Variants in GSDME observed in about 807,000 individuals in gnomAD.
The protein encoded by GSDME is gasdermin-E.
GSDME carries 44 observed loss-of-function variants against 47.5 expected under a neutral mutation model. The observed-to-expected ratio is 0.93, with a 90% CI of 0.73 to 1.19. GSDME has a LOEUF of 1.19. Ranked by LOEUF, GSDME falls within the 50% of genes most tolerant of loss-of-function variation. GSDME has a pLI of 0.00. For synonymous variants in GSDME, 258 were observed against 252.8 expected (o/e 1.02, Z -0.20); for missense variants, 663 against 604.2 (o/e 1.10, Z -1.02).
intron 7 of GSDME, chr7:24,707,174 G>A: frequency 7.9e-6 from 3 of 380,046 alleles, no homozygotes; most frequent in South Asian, 6.3e-5. Flanking sequence ...AATTTCAAGA[G>A]AGAAAAATAA....
chr7:24,740,970 C>A (rs1029316648), intron 3 of GSDME, among the ~76,000 whole-genome samples: 1 of 152,168 alleles, frequency 6.6e-6, no homozygotes, highest in Non-Finnish European at 1.5e-5. Context: ...GCCGGGACCG[C>A]GGCCCAGAAC....
chr7:24,735,707 G>T lies in GSDME; in HGVS notation c.404+8855C>A, dbSNP rs540181954. On this transcript the variant is annotated intron_variant, in intron 3 of 9. Coordinates refer to ENST00000645220, the MANE Select transcript of GSDME (RefSeq NM_001127453.2). The surrounding 1 kb of genome is among the most constrained non-coding windows in gnomAD (Gnocchi z 4.4). ...TGGGAGGTAGAGGTTGCGATGAGCCGAGATTGCACCACTGCACTCCAGCCT... is the reference window on the plus strand; with the variant it reads ...TGGGAGGTAGAGGTTGCGATGAGCCTAGATTGCACCACTGCACTCCAGCCT... Among the ~76,000 whole-genome samples the T allele has an allele frequency of 2.8e-4, 43 of 151,918 alleles. No individual in the cohort carries two copies. The highest frequency in any genetic ancestry group is 8.2e-4 in the African/African-American group (34 of 41,418).
At chr7:24,722,890 G>A (rs963109662) in intron 3 of GSDME, among the ~76,000 whole-genome samples, 3 of 152,182 alleles carry the variant, frequency 2.0e-5, no homozygotes, top group Non-Finnish European at 4.4e-5. Context: ...GCCTTCAAAA[G>A]GTCTCTGTGG....
intron 4 of GSDME, among the ~76,000 whole-genome samples, chr7:24,717,774 C>T (rs1371297134): frequency 6.6e-6 from 1 of 152,156 alleles, no homozygotes; most frequent in East Asian, 1.9e-4. Context: ...GCTGAGAGGG[C>T]CCCCTACCCC....
Position 24,706,380 on chromosome 7 carries a change from T to C in GSDME, c.991-4A>G, listed in dbSNP as rs746052649. 1.2e-6 allele frequency: 2 copies of C among 1,611,814 alleles called. No individual in the cohort carries two copies. The highest frequency in any genetic ancestry group is 1.7e-5 in the Admixed American group (1 of 59,944). On this transcript the variant is annotated splice_region_variant and splice_polypyrimidine_tract_variant and intron_variant, in intron 7 of 9. Transcript: ENST00000645220. ...GGCCGCTGACCAGGTCATCGCACTG[T>C]AGGGCAGGGAAGAAGAAGGGTCATG...
At chr7:24,708,543 TTTCTGGAAAAGTTATTTAAATTC>T (rs1455530537) in intron 6 of GSDME, among the ~76,000 whole-genome samples, 2 of 152,236 alleles carry the variant, frequency 1.3e-5, no homozygotes, top group Non-Finnish European at 2.9e-5. Flanking sequence ...AATCAATTAT[TTTCTGGAAAAGTTATTTAAATTC>T]TTCTTTAGCA....
At chr7:24,767,947 G>T in the GSDME span, among the ~76,000 whole-genome samples, 1 of 152,112 alleles carries the variant, frequency 6.6e-6, no homozygotes. The surrounding 1 kb of genome is among the most constrained non-coding windows in gnomAD (Gnocchi z 5.3). Flanking sequence ...TGTTGCTACC[G>T]ATCATATAGA....
chr7:24,698,965 C>T lies in GSDME; in HGVS notation c.*61G>A. ...GGTCAACTTTTAACGTGCATATGAC[C>T]TTTAACAGTTCTGAAAAATAGCCTT... On this transcript the variant is annotated 3_prime_UTR_variant, in exon 10 of 10. Coordinates refer to ENST00000645220, the MANE Select transcript of GSDME (RefSeq NM_001127453.2). The T allele has an allele frequency of 8.6e-7, 1 of 1,164,806 alleles. No individual in the cohort carries two copies. The allele number at this position is 1,164,806 out of a possible 1,614,324, so 72.2% of individuals were successfully genotyped here.
In GSDME at chr7:24,732,606, G is replaced by C. The variant is rs1456113863; in HGVS notation, c.404+11956C>G. 1.3e-5 allele frequency among the ~76,000 whole-genome samples: 2 copies of C among 152,226 alleles called. No homozygotes were observed. The highest frequency in any genetic ancestry group is 1.3e-4 in the Admixed American group (2 of 15,284). On this transcript the variant is annotated intron_variant, in intron 3 of 9. Transcript: ENST00000645220. This position sits in a 1 kb window ranked among gnomAD's most constrained non-coding sequence, Gnocchi z 4.8. ...CTGGGCAGCAGCCATGTGGCAGAGA[G>C]AGAGAAGCCGTGTGCTGTAGGAGGG...
rs1212529765 is a variant in GSDME, at chr7:24,757,205, G to A, written c.-20+191C>T. Among the ~76,000 whole-genome samples the A allele has an allele frequency of 6.6e-6, 1 of 152,006 alleles. No homozygotes were observed. The highest frequency in any genetic ancestry group is 2.4e-5 in the African/African-American group (1 of 41,414). ...AATGCGGGAGGCGAGGGGAGCGACG[G>A]GACCTGCCGTTCCGGCGGCCGGGCA... On this transcript the variant is annotated intron_variant, in intron 1 of 9. Coordinates refer to ENST00000645220, the MANE Select transcript of GSDME (RefSeq NM_001127453.2). The surrounding 1 kb of genome is among the most constrained non-coding windows in gnomAD (Gnocchi z 5.9).
chr7:24,786,912 A>G, the GSDME span, among the ~76,000 whole-genome samples: 1 of 152,108 alleles, frequency 6.6e-6, no homozygotes, highest in East Asian at 1.9e-4. The surrounding 1 kb of genome is among the most constrained non-coding windows in gnomAD (Gnocchi z 5.5). Flanking sequence ...CCTCTCTCTT[A>G]ATTCCCTGGG....
rs1167974426 is a variant in GSDME, at chr7:24,714,956, A to G, written c.697+2298T>C. ...TCACTACAGCCAAGATACGGAAATA[A>G]TGTAACTGTCTGTTGATGGACAAAT... is the stretch of plus-strand genomic sequence containing the variant. On this transcript the variant is annotated intron_variant, in intron 5 of 9. Transcript: ENST00000645220. The surrounding 1 kb of genome is among the most constrained non-coding windows in gnomAD (Gnocchi z 5.0). 7.2e-5 allele frequency among the ~76,000 whole-genome samples: 11 copies of G among 152,256 alleles called. No homozygotes were observed. Among genetic ancestry groups the G allele is most frequent in the Non-Finnish European group, 1.3e-4 (9 of 68,046 alleles).
intron 1 of GSDME, among the ~76,000 whole-genome samples, chr7:24,750,187 A>G (rs950627480): frequency 6.6e-6 from 1 of 152,236 alleles, no homozygotes; most frequent in African/African-American, 2.4e-5. Flanking sequence ...AACAGGAAAG[A>G]GTTTTGGAAG....
At position 24,698,540 on chromosome 7, in the gene GSDME, A is replaced by ATACTC. The variant is rs201456060; in HGVS notation, c.*481_*485dup. ...GTTTAATTTTGTTCAGCAGAGGAATATACTCTAGGAGCATTTACAGTTCAT... is the reference window on the plus strand; with the variant it reads ...GTTTAATTTTGTTCAGCAGAGGAATATACTCTACTCTAGGAGCATTTACAGTTCAT... On this transcript the variant is annotated 3_prime_UTR_variant, in exon 10 of 10. Transcript: ENST00000645220. 7,985 of 207,176 alleles carry ATACTC rather than the reference A, an allele frequency of 0.039. 218 individuals are homozygous for ATACTC. Among genetic ancestry groups the ATACTC allele is most frequent in the Non-Finnish European group, 0.053 (5,437 of 101,708 alleles). 12.8% of individuals were successfully genotyped at this position (207,176 alleles called of 1,614,324 possible). A position where few individuals can be genotyped will look rare whatever the true frequency, so the allele number is the denominator to read the frequency against.
the GSDME span, among the ~76,000 whole-genome samples, chr7:24,792,580 T>C: frequency 3.9e-5 from 6 of 152,336 alleles, no homozygotes; most frequent in South Asian, 6.2e-4. Flanking sequence ...TGGTCAGCAA[T>C]AGAGCCAGGA....
In GSDME at chr7:24,742,746, C is replaced by A. The variant is rs1790532426; in HGVS notation, c.404+1816G>T. Among the ~76,000 whole-genome samples, 1 of 152,124 alleles carries A rather than the reference C, an allele frequency of 6.6e-6. No individual in the cohort carries two copies. The highest frequency in any genetic ancestry group is 2.1e-4 in the South Asian group (1 of 4,818). Reference sequence around the variant, plus strand: ...GGGAGCAGAGAAGACGCTCTGGACACCCCCCGCCTCCCTTTTCCCCTTCCC... The same window carrying A: ...GGGAGCAGAGAAGACGCTCTGGACAACCCCCGCCTCCCTTTTCCCCTTCCC... On this transcript the variant is annotated intron_variant, in intron 3 of 9. Transcript: ENST00000645220. This position sits in a 1 kb window ranked among gnomAD's most constrained non-coding sequence, Gnocchi z 4.4.
rs1428876908 is a variant in GSDME at position 24,702,742 on chromosome 7, A to G, written c.1257+18T>C. ...CCATTCCTATCCATTCTAAGGTCCC[A>G]CCTGGGAGGTTGCTTACCAAGTGGC... On this transcript the variant is annotated intron_variant, in intron 9 of 9. Transcript: ENST00000645220. 9.3e-6 allele frequency: 15 copies of G among 1,611,024 alleles called. No individual in the cohort carries two copies. The highest frequency in any genetic ancestry group is 1.2e-5 in the Non-Finnish European group (14 of 1,177,872).
the GSDME span, among the ~76,000 whole-genome samples, chr7:24,772,852 A>G: frequency 4.6e-5 from 7 of 152,218 alleles, no homozygotes; most frequent in Non-Finnish European, 8.8e-5. This position sits in a 1 kb window ranked among gnomAD's most constrained non-coding sequence, Gnocchi z 4.5. Context: ...GTGCGCTAAT[A>G]TATCTTTTAT....
chr7:24,767,860 T>C, the GSDME span, among the ~76,000 whole-genome samples: 3 of 152,254 alleles, frequency 2.0e-5, no homozygotes, highest in Admixed American at 2.0e-4. This position sits in a 1 kb window ranked among gnomAD's most constrained non-coding sequence, Gnocchi z 5.3. Context: ...TTGATGGCTT[T>C]CGGGCATGTT....
Sources: allele counts gnomAD v4.1 joint callset (sites outside exome capture counted in the v4.1 genomes callset), GRCh38; gene constraint gnomAD v4.1.1; non-coding constraint Gnocchi (gnomAD v3.1); transcripts MANE v1.5; gene names NCBI Gene and HGNC (gene_info 2026-07-23, HGNC 2026-07-21).